ZNF469: variants seen among roughly 807,000 people sequenced by gnomAD.
ZNF469 encodes the protein zinc finger protein 469.
Under a neutral mutation model 1.0 loss-of-function variants are expected in ZNF469, and 1 was observed. The ratio of observed to expected loss-of-function variants is 1.00; its 90% CI spans 0.35 to 4.73. The LOEUF (loss-of-function observed/expected upper bound fraction) is 4.73, where lower values mean the gene tolerates loss of function less well. Among genes scored for constraint, ZNF469 ranks in the 30% most tolerant of loss-of-function variants. ZNF469 has a pLI of 0.16. For missense variants in ZNF469, 6,100 were observed against 5,356.3 expected (o/e 1.14, Z -4.33); for synonymous variants, 2,703 against 2,363.4 (o/e 1.14, Z -4.17).
chr16:88,201,155 C>T, the ZNF469 span, among the ~76,000 whole-genome samples: 3 of 152,230 alleles, frequency 2.0e-5, no homozygotes, highest in African/African-American at 4.8e-5. This position sits in a 1 kb window ranked among gnomAD's most constrained non-coding sequence, Gnocchi z 5.0. Context: ...TTTACCTGTC[C>T]GGACCAGGGG....
intron 1 of ZNF469, among the ~76,000 whole-genome samples, chr16:88,393,327 G>A (rs1904541072): frequency 6.6e-6 from 1 of 152,254 alleles, no homozygotes. Context: ...ATTGTTAGCT[G>A]AGCGCTCAGG....
At chr16:88,235,529 C>T in the ZNF469 span, among the ~76,000 whole-genome samples, 959 of 152,328 alleles carry the variant, frequency 6.3e-3, 9 homozygotes, top group African/African-American at 0.022. Context: ...CCAGCGCTGT[C>T]GCACTCCTTG....
chr16:88,393,093 G>A (rs1188850219), intron 1 of ZNF469, among the ~76,000 whole-genome samples: 1 of 152,284 alleles, frequency 6.6e-6, no homozygotes, highest in East Asian at 1.9e-4. Flanking sequence ...GCAGGGCCTG[G>A]CAGGAAGCTG....
intron 1 of ZNF469, among the ~76,000 whole-genome samples, chr16:88,423,253 AGATG>A (rs1255170652): frequency 3.9e-5 from 5 of 128,796 alleles, no homozygotes; most frequent in South Asian, 5.3e-4. Context: ...ATGGATGGAT[AGATG>A]GATGGATGGG....
the ZNF469 span, among the ~76,000 whole-genome samples, chr16:88,316,543 G>GTTTTTTTT: frequency 1.6e-5 from 1 of 63,062 alleles, no homozygotes; most frequent in African/African-American, 8.1e-5. Flanking sequence ...TATAGGTGCT[G>GTTTTTTTT]TCTTTTTTTT....
At chr16:88,178,206 G>A in the ZNF469 span, 1 of 152,172 alleles carries the variant, frequency 6.6e-6, no homozygotes, top group Non-Finnish European at 1.5e-5. Flanking sequence ...GAGAGGGGAG[G>A]ACCTGGGCTG....
the ZNF469 span, among the ~76,000 whole-genome samples, chr16:88,274,284 A>G: frequency 1.3e-5 from 2 of 152,204 alleles, no homozygotes; most frequent in African/African-American, 4.8e-5. Context: ...TTTAATGGAG[A>G]CAGAGTTTCA....
the ZNF469 span, among the ~76,000 whole-genome samples, chr16:88,285,597 C>A: frequency 6.6e-6 from 1 of 152,264 alleles, no homozygotes; most frequent in Non-Finnish European, 1.5e-5. Flanking sequence ...CCATTTGGCA[C>A]CCTCTTGCCC....
chr16:88,135,707 C>A, the ZNF469 span, among the ~76,000 whole-genome samples: 1 of 144,206 alleles, frequency 6.9e-6, no homozygotes, highest in South Asian at 2.2e-4. Context: ...GATCCACAGG[C>A]ACAGATCTGT....
chr16:88,111,518 A>AG, the ZNF469 span, among the ~76,000 whole-genome samples: 230 of 20,866 alleles, frequency 0.011, 2 homozygotes, highest in South Asian at 0.21. Context: ...TGTACCCATT[A>AG]ACATCCCCCC....
the ZNF469 span, among the ~76,000 whole-genome samples, chr16:88,280,691 G>C: frequency 1.9e-4 from 29 of 151,020 alleles, no homozygotes; most frequent in South Asian, 4.2e-4. Flanking sequence ...ACCATGCATG[G>C]GTTAGTGCTG....
chr16:88,286,682 C>T, the ZNF469 span, among the ~76,000 whole-genome samples: 1 of 152,238 alleles, frequency 6.6e-6, no homozygotes, highest in East Asian at 1.9e-4. Context: ...TGGGAAGAGG[C>T]TCCCAATGAC....
chr16:88,320,228 CG>C, the ZNF469 span, among the ~76,000 whole-genome samples: 1 of 152,182 alleles, frequency 6.6e-6, no homozygotes, highest in Non-Finnish European at 1.5e-5. Context: ...TAGGGAGACT[CG>C]GGGTTTTAAA....
the ZNF469 span, among the ~76,000 whole-genome samples, chr16:88,135,407 A>G: frequency 6.6e-6 from 1 of 152,242 alleles, no homozygotes; most frequent in East Asian, 1.9e-4. Context: ...TGACACCGCC[A>G]GATGGGGCTG....
intron 1 of ZNF469, among the ~76,000 whole-genome samples, chr16:88,394,279 G>A (rs1304439758): frequency 6.6e-6 from 1 of 152,138 alleles, no homozygotes. Flanking sequence ...TGCCTGAGAG[G>A]AGCAGGGTTT....
chr16:88,376,747 G>A, the ZNF469 span, among the ~76,000 whole-genome samples: 1 of 152,356 alleles, frequency 6.6e-6, no homozygotes, highest in East Asian at 1.9e-4. Context: ...CTCGCGGGGT[G>A]TCCCGGCCAC....
chr16:88,409,809 C>T (rs1395416092), intron 1 of ZNF469, among the ~76,000 whole-genome samples: 1 of 142,710 alleles, frequency 7.0e-6, no homozygotes, highest in Non-Finnish European at 1.5e-5. Context: ...CAGAGGTCCT[C>T]GCTCAGTGGC....
the ZNF469 span, among the ~76,000 whole-genome samples, chr16:88,312,405 T>C: frequency 6.6e-6 from 1 of 152,260 alleles, no homozygotes; most frequent in Non-Finnish European, 1.5e-5. Context: ...CGGGTTGGTC[T>C]GTAACTTACT....
chr16:88,220,404 T>C, the ZNF469 span, among the ~76,000 whole-genome samples: 1 of 152,156 alleles, frequency 6.6e-6, no homozygotes, highest in East Asian at 1.9e-4. Context: ...TGTGGATGAT[T>C]TGCTGGGATT....
Sources: allele counts gnomAD v4.1 joint callset (sites outside exome capture counted in the v4.1 genomes callset), GRCh38; gene constraint gnomAD v4.1.1; non-coding constraint Gnocchi (gnomAD v3.1); transcripts MANE v1.5; gene names NCBI Gene and HGNC (gene_info 2026-07-23, HGNC 2026-07-21).